Variants in RIMBP2 observed in about 807,000 individuals in gnomAD.
The protein encoded by RIMBP2 is RIMS binding protein 2, also known as RIMS-binding protein 2.
A neutral mutation model predicts 118.6 loss-of-function variants in RIMBP2; 48 were observed. That is an observed-to-expected ratio of 0.40 (90% CI 0.32 to 0.51). The LOEUF is 0.51. Among genes scored for constraint, RIMBP2 ranks in the 20% least tolerant of loss-of-function variants. The pLI, the probability that RIMBP2 is intolerant of heterozygous loss-of-function variation, is 0.41. For missense variants in RIMBP2, 1,551 were observed against 1,768.3 expected (o/e 0.88, Z 2.20); for synonymous variants, 762 against 742.9 (o/e 1.03, Z -0.42).
intron 1 of RIMBP2, among the ~76,000 whole-genome samples, chr12:130,633,174 T>A (rs184868866): frequency 2.6e-5 from 4 of 152,336 alleles, no homozygotes; most frequent in Admixed American, 1.3e-4. Flanking sequence ...TACATGAAAT[T>A]AAAATGCTAC....
intron 2 of RIMBP2, among the ~76,000 whole-genome samples, chr12:130,552,025 T>C (rs541919307): frequency 4.8e-4 from 73 of 152,384 alleles, no homozygotes; most frequent in African/African-American, 1.5e-3. Context: ...TAAAGTCGTT[T>C]CCACAGCATT....
chr12:130,590,480 A>T (rs538269554), intron 2 of RIMBP2, among the ~76,000 whole-genome samples: 2 of 152,186 alleles, frequency 1.3e-5, no homozygotes, highest in Non-Finnish European at 2.9e-5. Flanking sequence ...GCAACATTCC[A>T]TGAAGTCTTC....
At chr12:130,631,603 C>T (rs1362698621) in intron 1 of RIMBP2, among the ~76,000 whole-genome samples, 1 of 151,854 alleles carries the variant, frequency 6.6e-6, no homozygotes, top group Non-Finnish European at 1.5e-5. Flanking sequence ...ACTGCCCGCT[C>T]AAAGCCCTTT....
chr12:130,606,281 A>G (rs990089656), intron 2 of RIMBP2, among the ~76,000 whole-genome samples: 4 of 152,236 alleles, frequency 2.6e-5, no homozygotes, highest in African/African-American at 9.6e-5. Context: ...GTTCTCCCAA[A>G]TTAAAAATCA....
intron 2 of RIMBP2, among the ~76,000 whole-genome samples, chr12:130,614,557 T>C (rs143457798): frequency 4.5e-4 from 68 of 152,250 alleles, no homozygotes; most frequent in Admixed American, 1.8e-3. Context: ...TTAAAAAGCA[T>C]AGACAAATTC....
intron 15 of RIMBP2, 114 bp downstream of exon 15, chr12:130,428,065 T>C (rs2076911233): frequency 1.1e-6 from 1 of 949,102 alleles, no homozygotes. Context: ...ATCCGAGGGC[T>C]ACTGGTTGTA....
chr12:130,504,137 G>A (rs1566158761), intron 4 of RIMBP2, among the ~76,000 whole-genome samples: 1 of 152,150 alleles, frequency 6.6e-6, no homozygotes, highest in Non-Finnish European at 1.5e-5. Context: ...CTATTTCACT[G>A]AAAGCTTTTA....
At chr12:130,516,966 G>C (rs1310330700) in intron 3 of RIMBP2, among the ~76,000 whole-genome samples, 1 of 152,112 alleles carries the variant, frequency 6.6e-6, no homozygotes, top group African/African-American at 2.4e-5. Flanking sequence ...GGGGAGGAGA[G>C]CTGGGGCACG....
chr12:130,685,550 T>G (rs746522219), intron 1 of RIMBP2, among the ~76,000 whole-genome samples: 2 of 151,974 alleles, frequency 1.3e-5, no homozygotes, highest in African/African-American at 2.4e-5. Context: ...GAAGACTGAG[T>G]GGCCCGGCAG....
intron 2 of RIMBP2, among the ~76,000 whole-genome samples, chr12:130,570,073 G>A (rs998806467): frequency 7.2e-5 from 11 of 152,032 alleles, no homozygotes; most frequent in Non-Finnish European, 8.8e-5. Flanking sequence ...AGCACAGCCC[G>A]GATCTGCTTG....
At chr12:130,482,146 T>C (rs748145546) in intron 4 of RIMBP2, among the ~76,000 whole-genome samples, 44 of 152,302 alleles carry the variant, frequency 2.9e-4, no homozygotes, top group South Asian at 1.0e-3. Context: ...GTGGCTTTGC[T>C]CTGGTGTCAG....
intron 2 of RIMBP2, among the ~76,000 whole-genome samples, chr12:130,591,884 C>T (rs1448514787): frequency 6.6e-6 from 1 of 152,220 alleles, no homozygotes; most frequent in Non-Finnish European, 1.5e-5. Flanking sequence ...TTCTGAAACT[C>T]AAAGTTAACT....
chr12:130,433,547 T>G (rs2077292545), intron 14 of RIMBP2, among the ~76,000 whole-genome samples: 1 of 152,182 alleles, frequency 6.6e-6, no homozygotes. Flanking sequence ...CCTTTCTACC[T>G]CTGAGCCTTC....
chr12:130,538,816 G>A (rs975168044), intron 2 of RIMBP2, among the ~76,000 whole-genome samples: 2 of 152,052 alleles, frequency 1.3e-5, no homozygotes, highest in African/African-American at 2.4e-5. Flanking sequence ...AGTGACAAAC[G>A]TGGCTTCCTG....
At chr12:130,702,241 G>A (rs1450688923) in intron 1 of RIMBP2, among the ~76,000 whole-genome samples, 1 of 152,098 alleles carries the variant, frequency 6.6e-6, no homozygotes, top group Admixed American at 6.5e-5. Context: ...GTGGGACCGG[G>A]CACAGTGGCT....
chr12:130,674,875 G>A (rs183291463), intron 1 of RIMBP2, among the ~76,000 whole-genome samples: 100 of 152,168 alleles, frequency 6.6e-4, no homozygotes, highest in African/African-American at 2.1e-3. Context: ...GTGGCCTTCC[G>A]GGTCCGGCCT....
chr12:130,447,453 G>A lies in RIMBP2; in HGVS notation c.582-2184C>T, dbSNP rs1466784927. On this transcript the variant is annotated intron_variant, in intron 9 of 22. Transcript: ENST00000690449. This position sits in a 1 kb window ranked among gnomAD's most constrained non-coding sequence, Gnocchi z 4.4. ...GAATGGGGACTCAACAGAGACAGAA[G>A]TAGGTCAGGGGTCACGCAGCGCTGG... 6.6e-6 allele frequency among the ~76,000 whole-genome samples: 1 copy of A among 152,206 alleles called. No homozygotes were observed. Among genetic ancestry groups the A allele is most frequent in the Non-Finnish European group, 1.5e-5 (1 of 68,042 alleles).
At chr12:130,423,374 G>A (rs1037091114) in intron 16 of RIMBP2, among the ~76,000 whole-genome samples, 2 of 152,208 alleles carry the variant, frequency 1.3e-5, no homozygotes, top group African/African-American at 4.8e-5. Context: ...TCTCCTGGGT[G>A]GGCCCATCGC....
At position 130,442,040 on chromosome 12, in the gene RIMBP2, C is replaced by G. The variant is rs770004902; in HGVS notation, c.1312G>C (p.Val438Leu). 2.5e-6 allele frequency: 4 copies of G among 1,614,030 alleles called. No individual in the cohort carries two copies. Residue 438 changes from valine (V) to leucine (L), a missense_variant, in exon 11 of 23, where the codon GTC becomes CTC. Physicochemically the swap from Val to Leu is conservative, Grantham distance 32 (BLOSUM62 1). Coordinates refer to ENST00000690449, the MANE Select transcript of RIMBP2 (RefSeq NM_001393629.1). This position sits in a 1 kb window ranked among gnomAD's most constrained non-coding sequence, Gnocchi z 6.9. ...AACTCCTCCTCGTTGAGGAAGATGA[C>G]GTGGCTGTAGTTGCTGTTGGTGGGT... Reference protein sequence around the residue: ...WLPTNSNYSHVIFLNEEEFDI... With the variant: ...WLPTNSNYSHLIFLNEEEFDI...
Sources: allele counts gnomAD v4.1 joint callset (sites outside exome capture counted in the v4.1 genomes callset), GRCh38; gene constraint gnomAD v4.1.1; non-coding constraint Gnocchi (gnomAD v3.1); transcripts MANE v1.5; gene names NCBI Gene and HGNC (gene_info 2026-07-23, HGNC 2026-07-21).